CNTN3: variants seen among roughly 807,000 people sequenced by gnomAD.
CNTN3 encodes contactin 3.
CNTN3 carries 60 observed loss-of-function variants against 119.1 expected under a neutral mutation model. That is an observed-to-expected ratio of 0.50 (90% confidence interval 0.41 to 0.62). The LOEUF (loss-of-function observed/expected upper bound fraction) is 0.62. CNTN3 is among the 20% of genes least tolerant of loss of function. The pLI is 0.00. For missense variants in CNTN3, 1,101 were observed against 1,242.4 expected (o/e 0.89, Z 1.71); for synonymous variants, 450 against 438.7 (o/e 1.03, Z -0.32).
chr3:74,310,834 A>C (rs1702668714), intron 13 of CNTN3, among the ~76,000 whole-genome samples: 1 of 152,164 alleles, frequency 6.6e-6, no homozygotes, highest in Non-Finnish European at 1.5e-5. Context: ...CCATCTTTGG[A>C]AAACACAATC....
At chr3:74,466,900 A>T (rs956358786) in intron 4 of CNTN3, among the ~76,000 whole-genome samples, 1 of 152,184 alleles carries the variant, frequency 6.6e-6, no homozygotes, top group Non-Finnish European at 1.5e-5. Context: ...AAATTGACAG[A>T]CAGCAGTTTT....
chr3:74,544,344 T>C (rs987077336), intron 1 of CNTN3, among the ~76,000 whole-genome samples: 3 of 152,220 alleles, frequency 2.0e-5, no homozygotes, highest in South Asian at 4.1e-4. Flanking sequence ...TCAGATCATA[T>C]TGTTGAACTC....
chr3:74,283,222 A>G (rs1702049371), intron 20 of CNTN3, among the ~76,000 whole-genome samples: 1 of 152,178 alleles, frequency 6.6e-6, no homozygotes, highest in South Asian at 2.1e-4. Flanking sequence ...TTACTCTGCA[A>G]TGTCAGTACC....
chr3:74,365,113 CA>C (rs952285647), intron 9 of CNTN3, among the ~76,000 whole-genome samples: 4 of 151,702 alleles, frequency 2.6e-5, no homozygotes, highest in Non-Finnish European at 5.9e-5. Context: ...ACTTAGTATA[CA>C]AAAAAAGGGC....
intron 5 of CNTN3, among the ~76,000 whole-genome samples, chr3:74,422,643 T>C (rs1701634452): frequency 6.6e-6 from 1 of 152,232 alleles, no homozygotes; most frequent in African/African-American, 2.4e-5. Flanking sequence ...ATGTATCTAA[T>C]CATAATAATA....
intron 4 of CNTN3, among the ~76,000 whole-genome samples, chr3:74,456,829 C>G (rs369727654): frequency 6.6e-6 from 1 of 151,962 alleles, no homozygotes; most frequent in African/African-American, 2.4e-5. Flanking sequence ...TCATGTAGCA[C>G]AGAGTTTGAA....
chr3:74,605,367 T>C (rs1312432423), intron 1 of CNTN3, among the ~76,000 whole-genome samples: 1 of 152,170 alleles, frequency 6.6e-6, no homozygotes, highest in Non-Finnish European at 1.5e-5. Flanking sequence ...AATGTGTACA[T>C]ATTTTAAGAC....
intron 4 of CNTN3, among the ~76,000 whole-genome samples, chr3:74,460,685 C>T (rs556126391): frequency 6.8e-6 from 1 of 147,310 alleles, no homozygotes; most frequent in South Asian, 2.1e-4. Flanking sequence ...TTTGTAGATT[C>T]CTTGGGATTT....
At chr3:74,389,163 T>C (rs7644879) in intron 5 of CNTN3, among the ~76,000 whole-genome samples, 5,354 of 152,316 alleles carry the variant, frequency 0.035, 312 homozygotes, top group African/African-American at 0.12. Flanking sequence ...AGGCAAACTT[T>C]ATGGAATTAT....
chr3:74,420,303 T>C (rs1007282309), intron 5 of CNTN3, among the ~76,000 whole-genome samples: 3 of 152,214 alleles, frequency 2.0e-5, no homozygotes, highest in Non-Finnish European at 4.4e-5. Flanking sequence ...CTGCCCCAAG[T>C]TGCTGATACT....
At chr3:74,271,307 A>G (rs1236307743) in intron 20 of CNTN3, among the ~76,000 whole-genome samples, 1 of 152,228 alleles carries the variant, frequency 6.6e-6, no homozygotes, top group Non-Finnish European at 1.5e-5. Flanking sequence ...TCCACTGTAT[A>G]AGAGAAACTT....
chr3:74,286,616 G>A (rs1702119919), intron 19 of CNTN3, among the ~76,000 whole-genome samples: 1 of 152,176 alleles, frequency 6.6e-6, no homozygotes, highest in South Asian at 2.1e-4. Context: ...TGGAGTTCCA[G>A]AAGGAGAGAC....
At chr3:74,431,675 A>G (rs1312035095) in intron 4 of CNTN3, among the ~76,000 whole-genome samples, 1 of 152,220 alleles carries the variant, frequency 6.6e-6, no homozygotes, top group Admixed American at 6.5e-5. Context: ...TGGGCACATA[A>G]ATATTAAAAA....
In CNTN3 at chr3:74,330,311, G is replaced by A. The variant is rs550819038; in HGVS notation, c.1668+4424C>T. On this transcript the variant is annotated intron_variant, in intron 13 of 22. Transcript: ENST00000263665. Reference sequence around the variant, plus strand: ...GCAGAGGTTGCAGTGAGTCAAGATCGTGCCACTGCACTCCAGCCTGAGTGA... The same window carrying A: ...GCAGAGGTTGCAGTGAGTCAAGATCATGCCACTGCACTCCAGCCTGAGTGA... Among the ~76,000 whole-genome samples, 9 of 151,610 alleles carry A rather than the reference G, an allele frequency of 5.9e-5. 1 individual carries two copies. The highest frequency in any genetic ancestry group is 2.0e-4 in the Admixed American group (3 of 15,240).
intron 11 of CNTN3, among the ~76,000 whole-genome samples, chr3:74,340,997 T>C (rs944626506): frequency 6.6e-5 from 10 of 152,136 alleles, no homozygotes; most frequent in Non-Finnish European, 1.5e-5. Context: ...GTAACTTTAA[T>C]TAAGCAAACT....
chr3:74,522,529 C>G (rs779884790), intron 1 of CNTN3, among the ~76,000 whole-genome samples: 7 of 151,628 alleles, frequency 4.6e-5, no homozygotes, highest in Non-Finnish European at 1.0e-4. Flanking sequence ...AAGTGAAGGA[C>G]AAAAACAGAC....
chr3:74,459,494 G>A (rs932841510), intron 4 of CNTN3, among the ~76,000 whole-genome samples: 1 of 151,994 alleles, frequency 6.6e-6, no homozygotes, highest in Non-Finnish European at 1.5e-5. Context: ...AGGGGTGCAA[G>A]ATCTCTGACC....
intron 4 of CNTN3, among the ~76,000 whole-genome samples, chr3:74,443,650 CT>C (rs1359687861): frequency 6.6e-6 from 1 of 152,216 alleles, no homozygotes; most frequent in Non-Finnish European, 1.5e-5. Context: ...ACACTCTTTT[CT>C]GTTTCTCAGG....
intron 6 of CNTN3, among the ~76,000 whole-genome samples, chr3:74,370,729 G>C (rs949017306): frequency 2.6e-5 from 4 of 152,082 alleles, no homozygotes; most frequent in Non-Finnish European, 5.9e-5. Context: ...CCCTTAAACA[G>C]CCATCAAGGT....
Sources: gnomAD v4.1 joint callset for allele counts (sites outside exome capture counted in the v4.1 genomes callset) on GRCh38, gnomAD v4.1.1 for gene constraint, MANE v1.5 for transcripts, NCBI Gene and HGNC (gene_info 2026-07-23, HGNC 2026-07-21) for gene names.